Variants in IDUA observed in about 807,000 individuals in gnomAD.
IDUA encodes iduronidase alpha-L-.
IDUA carries 65 observed loss-of-function variants against 68.9 expected under a neutral mutation model. That is an observed-to-expected ratio of 0.94 (90% CI 0.77 to 1.16). The LOEUF is 1.16. Among genes scored for constraint, IDUA ranks in the 50% most tolerant of loss-of-function variants. The pLI is 0.00. For missense variants in IDUA, 1,046 were observed against 938.0 expected, an observed-to-expected ratio of 1.12 and a Z score of -1.50; for synonymous variants, 529 against 433.6, an observed-to-expected ratio of 1.22 and a Z score of -2.73.
rs763508634 is a variant in IDUA, at chr4:987,907, A to G, written c.257A>G (p.Lys86Arg). 5.6e-6 allele frequency: 9 copies of G among 1,606,276 alleles called. No individual in the cohort carries two copies. In the South Asian group the frequency reaches 6.7e-5, roughly 12 times the overall value. Residue 86 changes from lysine to arginine, a missense_variant, in exon 2 of 14, where the codon AAG (lysine) becomes AGG (arginine). Physicochemically the swap from Lys to Arg is conservative, Grantham distance 26 (BLOSUM62 2). Transcript: ENST00000514224. ...GGCGCCGTCCCTCACCGCGGCATCA[A>G]GCAGGTCCGGACCCACTGGCTGCTG... ...YVGAVPHRGIKQVRTHWLLEL... is the reference protein window; with the variant it reads ...YVGAVPHRGIRQVRTHWLLEL...
At chr4:989,587 C>G (rs761642769) in intron 2 of IDUA, 5 of 1,598,994 alleles carry the variant, frequency 3.1e-6, no homozygotes, top group East Asian at 2.3e-5. Flanking sequence ...CAGGGCCCCC[C>G]GCAGGCTGAC....
chr4:988,709 A>G, intron 2 of IDUA: 1 of 1,416,532 alleles, frequency 7.1e-7, no homozygotes, highest in Non-Finnish European at 9.2e-7. Context: ...TCCCCAGGGC[A>G]GCTGTGGCAC....
intron 2 of IDUA, among the ~76,000 whole-genome samples, chr4:999,010 C>G (rs929690654): frequency 2.6e-5 from 4 of 152,042 alleles, no homozygotes; most frequent in South Asian, 2.1e-4. Context: ...GGAAACCATC[C>G]TGGCTAACAT....
At chr4:1,003,856 T>A (rs1715278861) in intron 12 of IDUA, 156 bp from the exon 13 acceptor site, 1 of 828,442 alleles carries the variant, frequency 1.2e-6, no homozygotes, top group Non-Finnish European at 2.1e-6. Context: ...GCTCCAGCCC[T>A]CTCCTGCCTG....
chr4:1,003,054 G>C lies in IDUA; in HGVS notation c.1421G>C (p.Arg474Pro), dbSNP rs1715205920. Reference sequence around the variant, plus strand: ...CCCGCAGGCCTGGTCTACGTCACGCGCTACCTGGACAACGGGCTCTGCAGC... The same window carrying C: ...CCCGCAGGCCTGGTCTACGTCACGCCCTACCTGGACAACGGGCTCTGCAGC... ...PPGPGLVYVT[R>P]YLDNGLCSPD... The change falls in exon 10 of 14, where the codon CGC becomes CCC. Residue 474 changes from arginine (R) to proline (P), a missense_variant. Physicochemically the swap from Arg to Pro is moderately radical, Grantham distance 103. Transcript: ENST00000514224. The C allele has an allele frequency of 6.6e-7, 1 of 1,514,126 alleles. No individual in the cohort carries two copies. The highest frequency in any genetic ancestry group is 8.8e-7 in the Non-Finnish European group (1 of 1,140,246). The allele number at this position is 1,514,126 out of a possible 1,614,324, so 93.8% of individuals were successfully genotyped here. A position where few individuals can be genotyped will look rare whatever the true frequency, so the allele number is the denominator to read the frequency against.
At chr4:989,950 G>T in intron 2 of IDUA, 1 of 1,556,248 alleles carries the variant, frequency 6.4e-7, no homozygotes, top group Admixed American at 1.9e-5. Context: ...TGGGACCTGA[G>T]GGGGCATGAA....
At position 989,291 on chromosome 4, in the gene IDUA, T is replaced by TA. The variant is rs1181520832; in HGVS notation, c.299+1342_299+1343insA. ...AGTGACTGCAGGAAGAAGTCCTTGT[T>TA]GGCATAGTACAGCGGCCCCCCAAAG... On this transcript the variant is annotated intron_variant, in intron 2 of 13. Transcript: ENST00000514224. 1.9e-6 allele frequency: 3 copies of TA among 1,612,520 alleles called. No homozygotes were observed. The highest frequency in any genetic ancestry group is 2.5e-6 in the Non-Finnish European group (3 of 1,179,842).
At chr4:988,198 C>T in intron 2 of IDUA, 1 of 1,360,188 alleles carries the variant, frequency 7.4e-7, no homozygotes, top group Non-Finnish European at 9.5e-7. Flanking sequence ...CCGCACCTGG[C>T]TCCTGGTGCA....
intron 2 of IDUA, chr4:991,804 C>G (rs550523285): frequency 2.0e-6 from 3 of 1,531,780 alleles, no homozygotes; most frequent in East Asian, 2.5e-5. Flanking sequence ...CCGGCAGCAA[C>G]GGGCCCCTTG....
rs1485233630 is a variant in IDUA, at chr4:1,003,439, T to G, written c.1619T>G (p.Val540Gly). Reference sequence around the variant, plus strand: ...CTGCCGTCGCTTTTGCTGGTGCACGTGTGTGCGCGCCCCGAGAAGCCGCCC... The same window carrying G: ...CTGCCGTCGCTTTTGCTGGTGCACGGGTGTGCGCGCCCCGAGAAGCCGCCC... ...LRLPSLLLVH[V>G]CARPEKPPGQ... Residue 540 changes from valine to glycine, a missense_variant, in exon 11 of 14, where the codon GTG becomes GGG. By Grantham distance (109) the Val-to-Gly change is moderately radical. Coordinates refer to ENST00000514224, the MANE Select transcript of IDUA (RefSeq NM_000203.5). 4 of 1,539,800 alleles carry G rather than the reference T, an allele frequency of 2.6e-6. No homozygotes were observed. Among genetic ancestry groups the G allele is most frequent in the Non-Finnish European group, 2.6e-6 (3 of 1,149,136 alleles).
intron 1 of IDUA, 84 bp from the exon 2 acceptor site, chr4:987,725 C>A: frequency 1.3e-6 from 2 of 1,589,310 alleles, no homozygotes; most frequent in Admixed American, 1.7e-5. Flanking sequence ...TGCGCCCGGG[C>A]AGTCCTGGGC....
In IDUA at chr4:1,002,093, C is replaced by T. The variant is rs1715120993; in HGVS notation, c.904C>T (p.Pro302Ser). 4 of 1,577,548 alleles carry T rather than the reference C, an allele frequency of 2.5e-6. No homozygotes were observed. The highest frequency in any genetic ancestry group is 3.7e-5 in the Admixed American group (2 of 53,784). The change falls in exon 7 of 14, where the codon CCG becomes TCG. Residue 302 changes from proline to serine, a missense_variant. Coordinates refer to ENST00000514224, the MANE Select transcript of IDUA (RefSeq NM_000203.5). ...DTPIYNDEAD[P>S]LVGWSLPQPW... Reference sequence around the variant, plus strand: ...CCCCATTTACAACGACGAGGCGGACCCGCTGGTGGGCTGGTCCCTGCCACA... The same window carrying T: ...CCCCATTTACAACGACGAGGCGGACTCGCTGGTGGGCTGGTCCCTGCCACA...
At chr4:1,000,278 C>T (rs1185860632) in intron 2 of IDUA, among the ~76,000 whole-genome samples, 1 of 152,226 alleles carries the variant, frequency 6.6e-6, no homozygotes, top group Non-Finnish European at 1.5e-5. Context: ...GTGAGGTGTC[C>T]ACCAGGTCCT....
intron 2 of IDUA, chr4:1,000,129 C>T (rs553085416): frequency 9.3e-5 from 20 of 215,130 alleles, no homozygotes; most frequent in African/African-American, 4.7e-4. Flanking sequence ...GAATGCAGGC[C>T]TCATGGGAAT....
intron 2 of IDUA, chr4:988,978 C>G (rs1451067366): frequency 6.3e-7 from 1 of 1,596,010 alleles, no homozygotes; most frequent in Middle Eastern, 1.7e-4. Context: ...CAGAATGTCT[C>G]TCACAGGCGG....
chr4:1,002,826 G>A lies in IDUA; in HGVS notation c.1284G>A (p.Gln428=). The A allele has an allele frequency of 2.1e-6, 3 of 1,456,102 alleles. No individual in the cohort carries two copies. The highest frequency in any genetic ancestry group is 2.7e-6 in the Non-Finnish European group (3 of 1,110,276). The allele number at this position is 1,456,102 out of a possible 1,614,324, so 90.2% of individuals were successfully genotyped here. ...VGVLASAHRP[Q]GPADAWRAAV... ...TCCTGGCCAGCGCCCACCGCCCCCA[G>A]GGCCCGGCCGACGCCTGGCGCGCCG... The change falls in exon 9 of 14, where the codon CAG becomes CAA. Residue 428 remains glutamine, a synonymous_variant. Coordinates refer to ENST00000514224, the MANE Select transcript of IDUA (RefSeq NM_000203.5).
intron 2 of IDUA, chr4:990,402 G>A (rs1714192966): frequency 6.6e-7 from 1 of 1,523,678 alleles, no homozygotes; most frequent in South Asian, 1.3e-5. Flanking sequence ...GCGCCTGGCG[G>A]GAGCCACCTG....
rs1370066688 is a variant in IDUA, at chr4:1,003,400, G to A, written c.1580G>A (p.Arg527His). ...CCCGCCGGCGGCCGCCTGACCCTGC[G>A]CCCCGCGCTGCGGCTGCCGTCGCTT... ...PLPAGGRLTL[R>H]PALRLPSLLL... The change falls in exon 11 of 14, where the codon CGC (arginine) becomes CAC (histidine). Residue 527 changes from arginine (R) to histidine (H), a missense_variant. By Grantham distance (29) the Arg-to-His change is conservative (BLOSUM62 0). Coordinates refer to ENST00000514224, the MANE Select transcript of IDUA (RefSeq NM_000203.5). The A allele has an allele frequency of 6.6e-7, 1 of 1,522,874 alleles. No homozygotes were observed. Among genetic ancestry groups the A allele is most frequent in the Non-Finnish European group, 8.8e-7 (1 of 1,142,124 alleles). 94.3% of individuals were successfully genotyped at this position (1,522,874 alleles called of 1,614,324 possible).
intron 9 of IDUA, 24 bp downstream of exon 9, chr4:1,002,968 C>A (rs1715198458): frequency 7.3e-7 from 1 of 1,378,942 alleles, no homozygotes; most frequent in South Asian, 1.7e-5. Context: ...CCAGGGAGGT[C>A]TCTGGCCCCG....
Sources: gnomAD v4.1 joint callset for allele counts (sites outside exome capture counted in the v4.1 genomes callset) on GRCh38, gnomAD v4.1.1 for gene constraint, MANE v1.5 for transcripts, NCBI Gene and HGNC (gene_info 2026-07-23, HGNC 2026-07-21) for gene names.